The following DOCK9 variants were observed in gnomAD, a reference collection of about 807,000 sequenced individuals.
DOCK9 encodes the protein dedicator of cytokinesis protein 9.
Under a neutral mutation model 263.3 loss-of-function variants are expected in DOCK9, and 89 were observed. That is an observed-to-expected ratio of 0.34 (90% CI 0.28 to 0.40). DOCK9 has a LOEUF of 0.40. Among genes scored for constraint, DOCK9 ranks in the 10% least tolerant of loss-of-function variants. The pLI, the probability that DOCK9 is intolerant of heterozygous loss-of-function variation, is 1.00. For missense variants in DOCK9, 2,140 were observed against 2,603.4 expected (o/e 0.82, Z 3.87); for synonymous variants, 976 against 973.1 (o/e 1.00, Z -0.06).
intron 2 of DOCK9, among the ~76,000 whole-genome samples, chr13:98,955,146 T>C (rs909587002): frequency 2.6e-5 from 4 of 152,094 alleles, no homozygotes; most frequent in African/African-American, 7.2e-5. Flanking sequence ...GGCAAAACCC[T>C]GTCTCTAATA....
chr13:98,958,220 C>G (rs754188070), intron 1 of DOCK9, among the ~76,000 whole-genome samples: 1 of 152,360 alleles, frequency 6.6e-6, no homozygotes, highest in Admixed American at 6.5e-5. Flanking sequence ...GCTGCACTGG[C>G]ATCCCTGCGG....
intron 1 of DOCK9, 147 bp from the exon 2 acceptor site, chr13:98,955,698 T>A (rs1595623816): frequency 3.3e-6 from 2 of 606,814 alleles, no homozygotes; most frequent in Non-Finnish European, 5.8e-6. Flanking sequence ...GAAATAAGAG[T>A]TGTTTCCAAA....
chr13:98,963,544 G>C (rs1347612242), intron 1 of DOCK9, among the ~76,000 whole-genome samples: 1 of 152,204 alleles, frequency 6.6e-6, no homozygotes, highest in Non-Finnish European at 1.5e-5. Context: ...TCTTGCCCTT[G>C]TGTCTCTGGT....
intron 1 of DOCK9, among the ~76,000 whole-genome samples, chr13:99,001,837 A>T (rs998122538): frequency 1.3e-5 from 2 of 152,142 alleles, no homozygotes; most frequent in Non-Finnish European, 2.9e-5. Flanking sequence ...TGGTATTTGT[A>T]ATTTTCTATT....
chr13:99,074,286 T>A (rs941213736), intron 1 of DOCK9, among the ~76,000 whole-genome samples: 1 of 152,272 alleles, frequency 6.6e-6, no homozygotes, highest in Non-Finnish European at 1.5e-5. Flanking sequence ...TGTAATGTCA[T>A]GACTTCTCTC....
intron 39 of DOCK9, among the ~76,000 whole-genome samples, chr13:98,833,415 G>C (rs1277942142): frequency 6.6e-6 from 1 of 152,122 alleles, no homozygotes; most frequent in Non-Finnish European, 1.5e-5. Context: ...AGGAGATACG[G>C]TTTCTACAAA....
rs978935111 is a variant in DOCK9, at chr13:98,920,809, C to T, written c.717+145G>A. The T allele has an allele frequency of 4.9e-6, 4 of 812,172 alleles. No homozygotes were observed. In the African/African-American group the frequency reaches 5.2e-5, roughly 11 times the overall value. 50.3% of individuals were successfully genotyped at this position (812,172 alleles called of 1,614,324 possible). A position where few individuals can be genotyped will look rare whatever the true frequency, so the allele number is the denominator to read the frequency against. On this transcript the variant is annotated intron_variant, in intron 7 of 52. Transcript: ENST00000682017. The stretch of plus-strand genomic sequence containing the variant: ...TTCCATCTTCTACAATGATGAAAAA[C>T]AAGGCTTGCCTCATTTAAAGTTATA...
chr13:99,021,743 G>C (rs1323371816), intron 1 of DOCK9, among the ~76,000 whole-genome samples: 1 of 151,750 alleles, frequency 6.6e-6, no homozygotes, highest in East Asian at 1.9e-4. Flanking sequence ...ATGACCATTA[G>C]AGACAGGTTT....
intron 1 of DOCK9, among the ~76,000 whole-genome samples, chr13:99,017,178 C>T (rs956644230): frequency 6.6e-6 from 1 of 152,196 alleles, no homozygotes; most frequent in Admixed American, 6.5e-5. Context: ...TCTGTGAAAA[C>T]AGAGCTATAG....
chr13:99,014,760 T>C (rs1050019866), intron 1 of DOCK9, among the ~76,000 whole-genome samples: 18 of 152,204 alleles, frequency 1.2e-4, no homozygotes, highest in Non-Finnish European at 2.5e-4. Flanking sequence ...GACCCATATG[T>C]GGCTCCTCAC....
chr13:99,012,540 C>T (rs975146428), intron 1 of DOCK9, among the ~76,000 whole-genome samples: 1 of 152,156 alleles, frequency 6.6e-6, no homozygotes, highest in Non-Finnish European at 1.5e-5. Context: ...AGGCTGGAGC[C>T]ACCACCTGAG....
chr13:98,813,743 G>A (rs1452994208), intron 45 of DOCK9, among the ~76,000 whole-genome samples: 3 of 152,066 alleles, frequency 2.0e-5, no homozygotes, highest in African/African-American at 7.2e-5. Context: ...GGGTTCAAGC[G>A]ATTCTCTTGC....
chr13:98,949,835 C>T, intron 2 of DOCK9: 1 of 481,484 alleles, frequency 2.1e-6, no homozygotes, highest in South Asian at 1.6e-5. Flanking sequence ...GGAAAGGGTG[C>T]AAGACCCATG....
chr13:98,923,004 G>A (rs1421686784), intron 5 of DOCK9, among the ~76,000 whole-genome samples: 3 of 152,092 alleles, frequency 2.0e-5, no homozygotes, highest in African/African-American at 7.2e-5. Flanking sequence ...TAAATTCAAG[G>A]TCTAAGTCAT....
At chr13:98,940,581 G>C (rs2055658958) in intron 2 of DOCK9, among the ~76,000 whole-genome samples, 2 of 152,064 alleles carry the variant, frequency 1.3e-5, no homozygotes, top group African/African-American at 2.4e-5. Context: ...GTCTTGATAC[G>C]AGCAGAGAAT....
chr13:98,836,088 A>T (rs1297245506), intron 39 of DOCK9, among the ~76,000 whole-genome samples: 1 of 152,108 alleles, frequency 6.6e-6, no homozygotes, highest in Non-Finnish European at 1.5e-5. Flanking sequence ...TTAGAACTGC[A>T]GGCTGTTCAG....
At position 98,901,786 on chromosome 13, in the gene DOCK9, A is replaced by G. The variant is rs766877769; in HGVS notation, c.1495T>C (p.Ser499Pro). The change falls in exon 13 of 53, where the codon TCT (serine) becomes CCT (proline). Residue 499 changes from serine to proline, a missense_variant. Ser to Pro is a moderately conservative substitution (Grantham distance 74, BLOSUM62 -1). Coordinates refer to ENST00000682017, the MANE Select transcript of DOCK9 (RefSeq NM_001366683.2). ...CAEPYMKSSDSSKVAQKVLKN... is the reference protein window; with the variant it reads ...CAEPYMKSSDPSKVAQKVLKN... ...GTAAAAGCCATTCATACCTTAGAAG[A>G]GTCTGAACTTTTCATATATGGCTCA... The G allele has an allele frequency of 5.6e-6, 9 of 1,612,956 alleles. No individual in the cohort carries two copies. The highest frequency in any genetic ancestry group is 5.9e-6 in the Non-Finnish European group (7 of 1,179,452).
chr13:99,059,291 G>C (rs938993777), intron 1 of DOCK9, among the ~76,000 whole-genome samples: 4 of 152,162 alleles, frequency 2.6e-5, no homozygotes, highest in African/African-American at 9.7e-5. Context: ...GCCTGTTCCA[G>C]GGACATCTCC....
chr13:98,927,480 G>C (rs1566988443), intron 3 of DOCK9, among the ~76,000 whole-genome samples: 1 of 152,152 alleles, frequency 6.6e-6, no homozygotes, highest in Non-Finnish European at 1.5e-5. Context: ...CTCTAGAACT[G>C]AAATTGTACC....
Sources: gnomAD v4.1 joint callset for allele counts (sites outside exome capture counted in the v4.1 genomes callset) on GRCh38, gnomAD v4.1.1 for gene constraint, MANE v1.5 for transcripts, NCBI Gene and HGNC (gene_info 2026-07-23, HGNC 2026-07-21) for gene names.